The following DOCK5 variants were observed in gnomAD, a reference collection of about 807,000 sequenced individuals.
DOCK5 encodes the protein dedicator of cytokinesis protein 5.
Under a neutral mutation model 251.8 loss-of-function variants are expected in DOCK5, and 142 were observed. The ratio of observed to expected loss-of-function variants is 0.56; its 90% CI spans 0.49 to 0.65. DOCK5 has a LOEUF of 0.65. Among genes scored for constraint, DOCK5 ranks in the 30% least tolerant of loss-of-function variants. DOCK5 has a pLI of 0.00. For synonymous variants in DOCK5, 842 were observed against 835.5 expected (o/e 1.01, Z -0.13); for missense variants, 2,111 against 2,312.3 (o/e 0.91, Z 1.79).
intron 5 of DOCK5, among the ~76,000 whole-genome samples, chr8:25,283,914 G>T (rs1230308327): frequency 6.6e-6 from 1 of 152,116 alleles, no homozygotes; most frequent in African/African-American, 2.4e-5. Context: ...TGTTTTCATT[G>T]GTTGTTCAGG....
At chr8:25,325,905 G>A (rs1586331173) in intron 18 of DOCK5, among the ~76,000 whole-genome samples, 2 of 152,186 alleles carry the variant, frequency 1.3e-5, no homozygotes, top group East Asian at 1.9e-4. Context: ...AGTAAGAGGA[G>A]GAGCTTGGCA....
chr8:25,300,161 C>T (rs1303090396), intron 8 of DOCK5, among the ~76,000 whole-genome samples: 2 of 152,262 alleles, frequency 1.3e-5, no homozygotes, highest in Non-Finnish European at 2.9e-5. Context: ...CCGCCTTGAC[C>T]TCCCAAAGTG....
chr8:25,398,849 C>G (rs1801389738), intron 45 of DOCK5, among the ~76,000 whole-genome samples: 1 of 150,524 alleles, frequency 6.6e-6, no homozygotes, highest in African/African-American at 2.5e-5. Flanking sequence ...TTCTAAGGTA[C>G]CAGGCATTAG....
intron 40 of DOCK5, among the ~76,000 whole-genome samples, chr8:25,387,957 C>T (rs1586386472): frequency 6.6e-6 from 1 of 152,136 alleles, no homozygotes; most frequent in Admixed American, 6.5e-5. Flanking sequence ...GATCCTTTAC[C>T]CACCATTGTT....
intron 5 of DOCK5, among the ~76,000 whole-genome samples, chr8:25,282,915 A>G (rs542618671): frequency 1.3e-5 from 2 of 148,242 alleles, no homozygotes; most frequent in East Asian, 2.0e-4. Flanking sequence ...CCACATTTCT[A>G]TAGTACATTT....
At chr8:25,247,762 A>G (rs1803155074) in intron 2 of DOCK5, among the ~76,000 whole-genome samples, 1 of 152,172 alleles carries the variant, frequency 6.6e-6, no homozygotes, top group African/African-American at 2.4e-5. Flanking sequence ...TTCAAATACC[A>G]TGCACTTGAG....
At position 25,232,018 on chromosome 8, in the gene DOCK5, A is replaced by C. The variant is rs141933970; in HGVS notation, c.44-11656A>C. Among the ~76,000 whole-genome samples the C allele has an allele frequency of 3.4e-3, 511 of 152,266 alleles. 1 individual carries two copies. Among genetic ancestry groups the C allele is most frequent in the Non-Finnish European group, 5.5e-3 (376 of 68,008 alleles). On this transcript the variant is annotated intron_variant, in intron 1 of 51. Coordinates refer to ENST00000276440, the MANE Select transcript of DOCK5 (RefSeq NM_024940.8). ...GTGTTTAGTTTTCAAATATTTTGAG[A>C]GTTCCTAAGTACCTTTCTGATACTA...
At chr8:25,396,771 TG>T (rs1801353262) in intron 45 of DOCK5, among the ~76,000 whole-genome samples, 2 of 73,682 alleles carry the variant, frequency 2.7e-5, no homozygotes, top group East Asian at 8.3e-4. Flanking sequence ...TCCGTGTGTG[TG>T]TGTGTGTGTG....
At chr8:25,284,869 T>A (rs1418391801) in intron 5 of DOCK5, among the ~76,000 whole-genome samples, 1 of 152,244 alleles carries the variant, frequency 6.6e-6, no homozygotes, top group Non-Finnish European at 1.5e-5. Flanking sequence ...GTGGACACAG[T>A]AGGGCAAGAG....
intron 11 of DOCK5, among the ~76,000 whole-genome samples, chr8:25,305,825 T>G (rs557142596): frequency 6.6e-6 from 1 of 152,182 alleles, no homozygotes; most frequent in Non-Finnish European, 1.5e-5. Flanking sequence ...GTCTTAAAAT[T>G]TAGATATTTC....
rs752899246 is a variant in DOCK5, at chr8:25,366,878, C to T, written c.3132C>T (p.Asn1044=). 1.2e-6 allele frequency: 2 copies of T among 1,613,536 alleles called. No individual in the cohort carries two copies. The highest frequency in any genetic ancestry group is 1.1e-5 in the South Asian group (1 of 91,060). The change falls in exon 31 of 52, where the codon AAC becomes AAT. Residue 1044 remains asparagine (N), a synonymous_variant. Coordinates refer to ENST00000276440, the MANE Select transcript of DOCK5 (RefSeq NM_024940.8). ...CAATTAATTTTGAACAGCTCTGGAACAATTACTTCCATTTGGCAGTTGCAT... is the reference window on the plus strand; with the variant it reads ...CAATTAATTTTGAACAGCTCTGGAATAATTACTTCCATTTGGCAGTTGCAT... The part of the protein sequence containing the change: ...DQASFELQLW[N]NYFHLAVAFL...
intron 1 of DOCK5, among the ~76,000 whole-genome samples, chr8:25,240,677 GATATACC>G (rs556472425): frequency 2.0e-4 from 30 of 152,268 alleles, no homozygotes; most frequent in African/African-American, 6.3e-4. Flanking sequence ...CCATTGCATG[GATATACC>G]ATACTTTGTG....
At position 25,410,192 on chromosome 8, in the gene DOCK5, A is replaced by G. The variant is rs146650594; in HGVS notation, c.5498A>G (p.Asn1833Ser). ...AAGCCCTATGAAGGCAGCCAGAGGAACTCCACTGAGGTAGGGAAATCACAG... is the reference window on the plus strand; with the variant it reads ...AAGCCCTATGAAGGCAGCCAGAGGAGCTCCACTGAGGTAGGGAAATCACAG... ...KSKPYEGSQR[N>S]STELAPPLPV... Residue 1833 changes from asparagine (N) to serine (S), a missense_variant, in exon 51 of 52, where the codon AAC (asparagine) becomes AGC (serine). Asn to Ser is a conservative substitution (Grantham distance 46). This residue lies in a region of DOCK5 where 1,717 missense variants were observed against 1,892.4 expected (regional missense o/e 0.91). Transcript: ENST00000276440. 1 of 1,613,186 alleles carries G rather than the reference A, an allele frequency of 6.2e-7. No individual in the cohort carries two copies. Among genetic ancestry groups the G allele is most frequent in the Non-Finnish European group, 8.5e-7 (1 of 1,179,634 alleles).
chr8:25,184,852 G>C lies in DOCK5; in HGVS notation c.-57G>C. 2 of 1,280,842 alleles carry C rather than the reference G, an allele frequency of 1.6e-6. No individual in the cohort carries two copies. Among genetic ancestry groups the C allele is most frequent in the South Asian group, 5.3e-5 (2 of 37,514 alleles). 79.3% of individuals were successfully genotyped at this position (1,280,842 alleles called of 1,614,324 possible). On this transcript the variant is annotated 5_prime_UTR_variant, in exon 1 of 52. Coordinates refer to ENST00000276440, the MANE Select transcript of DOCK5 (RefSeq NM_024940.8). Reference sequence around the variant, plus strand: ...CAGGAGCGCGGGGCGGCGGCGGCCGGAGCCCGAGGAGCTGTAGCAGCCTTA... The same window carrying C: ...CAGGAGCGCGGGGCGGCGGCGGCCGCAGCCCGAGGAGCTGTAGCAGCCTTA...
At chr8:25,264,847 C>A (rs189744386) in intron 2 of DOCK5, among the ~76,000 whole-genome samples, 6,252 of 151,354 alleles carry the variant, frequency 0.041, 184 homozygotes, top group Middle Eastern at 0.092. Context: ...ACAACAACAA[C>A]AAAAAAAACA....
intron 10 of DOCK5, among the ~76,000 whole-genome samples, chr8:25,303,272 C>T (rs766541904): frequency 6.6e-6 from 1 of 152,168 alleles, no homozygotes; most frequent in Admixed American, 6.6e-5. Flanking sequence ...TTTCTTTCCC[C>T]CTTAGTGCCC....
At chr8:25,213,262 G>A (rs1802146668) in intron 1 of DOCK5, among the ~76,000 whole-genome samples, 1 of 150,992 alleles carries the variant, frequency 6.6e-6, no homozygotes, top group African/African-American at 2.4e-5. Flanking sequence ...GGGCCGCAGT[G>A]ACTTCTCCGG....
intron 1 of DOCK5, among the ~76,000 whole-genome samples, chr8:25,213,930 A>T (rs1272193458): frequency 6.6e-6 from 1 of 152,004 alleles, no homozygotes; most frequent in African/African-American, 2.4e-5. Flanking sequence ...TGGATTTTGT[A>T]TTTTTTTCAG....
At chr8:25,375,965 G>C (rs1484865077) in intron 37 of DOCK5, 20 of 703,120 alleles carry the variant, frequency 2.8e-5, no homozygotes, top group Non-Finnish European at 3.5e-5. Flanking sequence ...AGGCGTGGTG[G>C]CACCTGCCTG....
Sources: gnomAD v4.1 joint callset for allele counts (sites outside exome capture counted in the v4.1 genomes callset) on GRCh38, gnomAD v4.1.1 for gene constraint, gnomAD v4.1.1 regional missense constraint, MANE v1.5 for transcripts, NCBI Gene and HGNC (gene_info 2026-07-23, HGNC 2026-07-21) for gene names.